Variants in ZNF385B observed in about 807,000 individuals in gnomAD.
ZNF385B encodes zinc finger protein 533.
In ZNF385B, 23 loss-of-function variants were observed where a neutral mutation model predicts 39.2. That is an observed-to-expected ratio of 0.59 (90% CI 0.42 to 0.83). The LOEUF is 0.83. ZNF385B is among the 40% of genes least tolerant of loss of function. The probability of loss-of-function intolerance (pLI) is 0.00; values close to 1 mark genes in which losing one functional copy is unlikely to be tolerated. For synonymous variants in ZNF385B, 205 were observed against 222.6 expected (o/e 0.92, Z 0.70); for missense variants, 552 against 598.9 (o/e 0.92, Z 0.82).
chr2:179,624,388 C>G (rs1690479869), intron 3 of ZNF385B, among the ~76,000 whole-genome samples: 1 of 152,132 alleles, frequency 6.6e-6, no homozygotes, highest in African/African-American at 2.4e-5. Flanking sequence ...TACCTCTGCA[C>G]AAAGTAGACA....
At chr2:179,739,609 T>C (rs1487661273) in intron 3 of ZNF385B, among the ~76,000 whole-genome samples, 1 of 152,246 alleles carries the variant, frequency 6.6e-6, no homozygotes, top group Non-Finnish European at 1.5e-5. Context: ...TTAGCTTTAC[T>C]GTAGGTTTAC....
chr2:179,743,071 G>C (rs16866973), intron 3 of ZNF385B, among the ~76,000 whole-genome samples: 1 of 151,972 alleles, frequency 6.6e-6, no homozygotes, highest in Non-Finnish European at 1.5e-5. Context: ...TATTCTAAGA[G>C]AATTCTAACA....
intron 3 of ZNF385B, among the ~76,000 whole-genome samples, chr2:179,703,179 C>A (rs1229170010): frequency 1.3e-5 from 2 of 152,232 alleles, no homozygotes; most frequent in Non-Finnish European, 2.9e-5. Context: ...ATCTACTCGC[C>A]CTCTAGTTCT....
intron 1 of ZNF385B, among the ~76,000 whole-genome samples, chr2:179,835,856 C>T (rs1708220671): frequency 6.6e-6 from 1 of 151,936 alleles, no homozygotes; most frequent in African/African-American, 2.4e-5. Context: ...TCTCAGAGCA[C>T]CTTGTTTAAA....
Position 179,545,051 on chromosome 2 carries a change from T to C in ZNF385B, c.299-82A>G, listed in dbSNP as rs2060145258. ...CAAACCTACAGTGCAAGAACAAGTC[T>C]GTTGAGCTGCAACTTGCAAGCAAGA... On this transcript the variant is annotated intron_variant, in intron 3 of 9. Transcript: ENST00000410066. The C allele has an allele frequency of 2.1e-5, 33 of 1,571,638 alleles. No homozygotes were observed. The South Asian group carries it at 3.7e-4, about 18-fold the overall frequency.
intron 3 of ZNF385B, among the ~76,000 whole-genome samples, chr2:179,631,733 T>G (rs910805486): frequency 5.3e-5 from 8 of 152,020 alleles, no homozygotes; most frequent in Admixed American, 1.3e-4. Context: ...GCAAATTGGA[T>G]AAAGAGTCAA....
intron 3 of ZNF385B, among the ~76,000 whole-genome samples, chr2:179,761,519 A>G (rs952957167): frequency 8.6e-5 from 13 of 151,974 alleles, no homozygotes; most frequent in Non-Finnish European, 1.6e-4. Flanking sequence ...TATAAATGGT[A>G]TTTGCATTTT....
intron 3 of ZNF385B, among the ~76,000 whole-genome samples, chr2:179,728,287 C>G (rs1470528894): frequency 1.3e-5 from 2 of 152,028 alleles, no homozygotes; most frequent in Non-Finnish European, 2.9e-5. Flanking sequence ...CTTCAAGCAC[C>G]TACAAAATCA....
intron 3 of ZNF385B, among the ~76,000 whole-genome samples, chr2:179,633,000 C>T (rs1471429412): frequency 6.6e-6 from 1 of 152,044 alleles, no homozygotes; most frequent in African/African-American, 2.4e-5. Flanking sequence ...AAGACTAAAC[C>T]AGGAAGAAGT....
intron 1 of ZNF385B, chr2:179,814,643 C>G: frequency 2.3e-6 from 1 of 438,444 alleles, no homozygotes; most frequent in Non-Finnish European, 4.3e-6. Flanking sequence ...TGGTCTTGTC[C>G]CCAAAAACTA....
chr2:179,533,074 G>A (rs2059351550), intron 4 of ZNF385B, among the ~76,000 whole-genome samples: 2 of 152,160 alleles, frequency 1.3e-5, no homozygotes, highest in Non-Finnish European at 2.9e-5. Flanking sequence ...GTAACAAAAT[G>A]AAGGTTCCCC....
At chr2:179,743,377 C>T (rs952334608) in intron 3 of ZNF385B, among the ~76,000 whole-genome samples, 8 of 152,010 alleles carry the variant, frequency 5.3e-5, no homozygotes, top group Non-Finnish European at 2.9e-5. Context: ...ATTATAATGG[C>T]ACATATTACA....
intron 3 of ZNF385B, among the ~76,000 whole-genome samples, chr2:179,691,782 T>C (rs1258481173): frequency 6.6e-6 from 1 of 152,164 alleles, no homozygotes; most frequent in Non-Finnish European, 1.5e-5. Context: ...AAACTAAAAA[T>C]TATTTTTGTT....
chr2:179,819,034 T>TACACACACACAC (rs10556902), intron 1 of ZNF385B, among the ~76,000 whole-genome samples: 63 of 148,200 alleles, frequency 4.3e-4, no homozygotes, highest in South Asian at 8.8e-4. Context: ...TGTTTATAAA[T>TACACACACACAC]ACACACACAC....
At chr2:179,634,343 A>G (rs1487007415) in intron 3 of ZNF385B, among the ~76,000 whole-genome samples, 2 of 152,210 alleles carry the variant, frequency 1.3e-5, no homozygotes, top group Admixed American at 6.5e-5. Flanking sequence ...CAAAGAACTT[A>G]AGCAAATTTA....
chr2:179,785,922 C>T (rs756590700), intron 1 of ZNF385B, among the ~76,000 whole-genome samples: 1 of 152,146 alleles, frequency 6.6e-6, no homozygotes, highest in Non-Finnish European at 1.5e-5. Flanking sequence ...AAATTGTTAT[C>T]AAACAGCATT....
chr2:179,668,233 A>G (rs1030226620), intron 3 of ZNF385B, among the ~76,000 whole-genome samples: 1 of 152,208 alleles, frequency 6.6e-6, no homozygotes, highest in African/African-American at 2.4e-5. Flanking sequence ...TACTGAATTA[A>G]TCTTTTCCAT....
At chr2:179,704,575 A>T (rs1201293127) in intron 3 of ZNF385B, among the ~76,000 whole-genome samples, 1 of 152,220 alleles carries the variant, frequency 6.6e-6, no homozygotes, top group African/African-American at 2.4e-5. Context: ...GGAGAATGTG[A>T]AGATGAAATA....
In ZNF385B at chr2:179,674,441, C is replaced by A. The variant is rs137976402; in HGVS notation, c.298+95062G>T. Among the ~76,000 whole-genome samples the A allele has an allele frequency of 2.0e-3, 312 of 152,250 alleles. 1 individual carries two copies. Among genetic ancestry groups the A allele is most frequent in the Non-Finnish European group, 3.5e-3 (238 of 68,004 alleles). Reference sequence around the variant, plus strand: ...GGTGGTTTAGTCTTATGAATGAATTCATTCTTATAAATATAACCCAAATTT... The same window carrying A: ...GGTGGTTTAGTCTTATGAATGAATTAATTCTTATAAATATAACCCAAATTT... On this transcript the variant is annotated intron_variant, in intron 3 of 9. Transcript: ENST00000410066.
Sources: gnomAD v4.1 joint callset for allele counts (sites outside exome capture counted in the v4.1 genomes callset) on GRCh38, gnomAD v4.1.1 for gene constraint, MANE v1.5 for transcripts, NCBI Gene and HGNC (gene_info 2026-07-23, HGNC 2026-07-21) for gene names.